Variants in RRAS2 observed in about 807,000 individuals in gnomAD.
RRAS2 encodes the protein RAS related 2.
Under a neutral mutation model 27.6 loss-of-function variants are expected in RRAS2, and 7 were observed. The ratio of observed to expected loss-of-function variants is 0.25; its 90% confidence interval spans 0.14 to 0.48. The LOEUF is 0.48. RRAS2 is among the 20% of genes least tolerant of loss of function. The probability of loss-of-function intolerance (pLI) is 0.99; values close to 1 mark genes in which losing one functional copy is unlikely to be tolerated. For synonymous variants in RRAS2, 86 were observed against 90.9 expected (o/e 0.95, Z 0.31); for missense variants, 178 against 256.2 (o/e 0.69, Z 2.08).
chr11:14,318,747 C>T (rs112642134), intron 1 of RRAS2, among the ~76,000 whole-genome samples: 305 of 152,274 alleles, frequency 2.0e-3, no homozygotes, highest in African/African-American at 6.8e-3. Context: ...AAAGATAACC[C>T]AAACACGGAC....
chr11:14,304,993 C>G (rs1554947906), intron 1 of RRAS2, among the ~76,000 whole-genome samples: 1 of 152,134 alleles, frequency 6.6e-6, no homozygotes, highest in Non-Finnish European at 1.5e-5. Context: ...TTATATATGT[C>G]TATAATTTAA....
chr11:14,294,417 T>G (rs1273968235), intron 4 of RRAS2, 54 bp downstream of exon 4: 3 of 1,168,964 alleles, frequency 2.6e-6, no homozygotes, highest in Non-Finnish European at 3.7e-6. Flanking sequence ...AATCTATCAG[T>G]TCACTCACAT....
At chr11:14,363,363 TA>T (rs1208147504), upstream of RRAS2, among the ~76,000 whole-genome samples, 16 of 152,210 alleles carry the variant, frequency 1.1e-4, no homozygotes, top group Non-Finnish European at 8.8e-5. Context: ...TATTCAAACA[TA>T]AAAGGCAGCC....
intron 1 of RRAS2, among the ~76,000 whole-genome samples, chr11:14,312,636 GTCA>G (rs1554949023): frequency 6.6e-6 from 1 of 152,054 alleles, no homozygotes; most frequent in Non-Finnish European, 1.5e-5. Flanking sequence ...CCCCAGGCTG[GTCA>G]TCAACTCCTG....
intron 2 of RRAS2, among the ~76,000 whole-genome samples, chr11:14,295,473 G>C (rs1465487725): frequency 3.9e-5 from 6 of 152,186 alleles, no homozygotes; most frequent in African/African-American, 1.4e-4. Flanking sequence ...GGTAGGAAGA[G>C]TTGAGACCTG....
rs781860601 is a variant in RRAS2 at position 14,293,124 on chromosome 11, AATATATATATATATATATATAT to A, written c.408+1325_408+1346del. ...CTCCGTCTCAAAACAAAACAAAACA[AATATATATATATATATATATAT>A]ATATATATATATATATCATTTTCTC... On this transcript the variant is annotated intron_variant, in intron 4 of 5. Coordinates refer to ENST00000256196, the MANE Select transcript of RRAS2 (RefSeq NM_012250.6). 4.9e-4 allele frequency among the ~76,000 whole-genome samples: 38 copies of A among 76,800 alleles called. 1 individual carries two copies. The highest frequency in any genetic ancestry group is 1.3e-3 in the East Asian group (3 of 2,294). The allele number at this position is 76,800 out of a possible 152,430, so 50.4% of individuals were successfully genotyped here. A position where few individuals can be genotyped will look rare whatever the true frequency, so the allele number is the denominator to read the frequency against.
At chr11:14,360,790 G>A (rs1362404489), upstream of RRAS2, among the ~76,000 whole-genome samples, 2 of 151,648 alleles carry the variant, frequency 1.3e-5, no homozygotes, top group Admixed American at 1.3e-4. Flanking sequence ...GAGTGGTGGC[G>A]TGCACTTGTA....
intron 1 of RRAS2, among the ~76,000 whole-genome samples, chr11:14,315,234 C>G (rs1326381669): frequency 6.6e-6 from 1 of 152,220 alleles, no homozygotes; most frequent in African/African-American, 2.4e-5. Flanking sequence ...AACATTACCT[C>G]AGCCAGATGA....
chr11:14,281,312 C>A (rs1418443430), intron 5 of RRAS2, among the ~76,000 whole-genome samples: 1 of 152,164 alleles, frequency 6.6e-6, no homozygotes, highest in East Asian at 1.9e-4. Flanking sequence ...ACGTTTAGCA[C>A]AGAAGCTGGC....
Position 14,358,878 on chromosome 11 carries a change from C to A in RRAS2, c.-8G>T. ...CCAGCCGGCCGCGGCCATGGGGACG[C>A]TACAGAGCCCAGCCTGACTGCGCCG... is the stretch of plus-strand genomic sequence containing the variant. On this transcript the variant is annotated 5_prime_UTR_variant, in exon 1 of 6. Coordinates refer to ENST00000256196, the MANE Select transcript of RRAS2 (RefSeq NM_012250.6). This position sits in a 1 kb window ranked among gnomAD's most constrained non-coding sequence, Gnocchi z 5.1. 6.9e-7 allele frequency: 1 copy of A among 1,443,524 alleles called. No homozygotes were observed. Among genetic ancestry groups the A allele is most frequent in the East Asian group, 3.1e-5 (1 of 31,856 alleles). The allele number at this position is 1,443,524 out of a possible 1,614,324, so 89.4% of individuals were successfully genotyped here.
At chr11:14,323,937 A>G (rs546813774) in intron 1 of RRAS2, among the ~76,000 whole-genome samples, 1 of 151,794 alleles carries the variant, frequency 6.6e-6, no homozygotes, top group African/African-American at 2.4e-5. Context: ...GAAAAACACT[A>G]TAAGAGATAT....
Position 14,290,070 on chromosome 11 carries a change from G to A in RRAS2, c.408+4401C>T, listed in dbSNP as rs548342503. On this transcript the variant is annotated intron_variant, in intron 4 of 5. Transcript: ENST00000256196. ...GGAAAGAAGCTTTTACAGCATCCCCGTGGCCTGTCCAAGTTGACTTGGTAG... is the reference window on the plus strand; with the variant it reads ...GGAAAGAAGCTTTTACAGCATCCCCATGGCCTGTCCAAGTTGACTTGGTAG... Among the ~76,000 whole-genome samples the A allele has an allele frequency of 5.9e-5, 9 of 152,284 alleles. No individual in the cohort carries two copies. The South Asian group carries it at 8.3e-4, about 14-fold the overall frequency.
chr11:14,286,572 A>G (rs1849664960), intron 4 of RRAS2, among the ~76,000 whole-genome samples: 1 of 152,228 alleles, frequency 6.6e-6, no homozygotes, highest in Non-Finnish European at 1.5e-5. Context: ...TTCCTTCTAA[A>G]CGTTTTAGGT....
chr11:14,358,581 G>T lies in RRAS2; in HGVS notation c.108+182C>A. The T allele has an allele frequency of 1.0e-6, 1 of 986,116 alleles. No individual in the cohort carries two copies. Among genetic ancestry groups the T allele is most frequent in the Non-Finnish European group, 1.2e-6 (1 of 830,482 alleles). 61.1% of individuals were successfully genotyped at this position (986,116 alleles called of 1,614,324 possible). Reference sequence around the variant, plus strand: ...GCGACGCCGCGCCCGGGAGGAGGCAGGAGCGCGACGCTGCGGCCGCAGGGC... The same window carrying T: ...GCGACGCCGCGCCCGGGAGGAGGCATGAGCGCGACGCTGCGGCCGCAGGGC... On this transcript the variant is annotated intron_variant, in intron 1 of 5. Transcript: ENST00000256196. This position sits in a 1 kb window ranked among gnomAD's most constrained non-coding sequence, Gnocchi z 5.1.
chr11:14,348,673 T>G (rs1227825672), intron 1 of RRAS2, among the ~76,000 whole-genome samples: 1 of 152,228 alleles, frequency 6.6e-6, no homozygotes, highest in South Asian at 2.1e-4. Context: ...CTCTTTCAAA[T>G]ATCCCCATCA....
chr11:14,322,698 T>G (rs1349959251), intron 1 of RRAS2, among the ~76,000 whole-genome samples: 2 of 152,208 alleles, frequency 1.3e-5, no homozygotes, highest in Non-Finnish European at 2.9e-5. Flanking sequence ...GTAGTCACAG[T>G]CTAATTTATC....
intron 4 of RRAS2, among the ~76,000 whole-genome samples, chr11:14,286,440 C>T (rs1849662528): frequency 6.6e-6 from 1 of 152,092 alleles, no homozygotes; most frequent in African/African-American, 2.4e-5. Context: ...CTAATTTTGC[C>T]CCACTACTGG....
Position 14,281,689 on chromosome 11 carries a change from C to T in RRAS2, c.440G>A (p.Arg147Gln), listed in dbSNP as rs377321245. 1.8e-5 allele frequency: 29 copies of T among 1,596,336 alleles called. No homozygotes were observed. Among genetic ancestry groups the T allele is most frequent in the African/African-American group, 9.5e-5 (7 of 73,796 alleles). Reference protein sequence around the residue: ...VTQEEGQQLARQLKVTYMEAS... With the variant: ...VTQEEGQQLAQQLKVTYMEAS... ...CTCCATGTATGTTACCTTAAGCTGC[C>T]GTGCTAACTGTTGTCCTTCTTCCTG... The change falls in exon 5 of 6, where the codon CGG (arginine) becomes CAG (glutamine). Residue 147 changes from arginine to glutamine, a missense_variant. Coordinates refer to ENST00000256196, the MANE Select transcript of RRAS2 (RefSeq NM_012250.6).
intron 1 of RRAS2, chr11:14,354,297 A>AT (rs1849026496): frequency 1.3e-5 from 2 of 152,236 alleles, no homozygotes; most frequent in Admixed American, 6.5e-5. Context: ...AAATTGTTGA[A>AT]TAAAAAGTTA....
Sources: allele counts gnomAD v4.1 joint callset (sites outside exome capture counted in the v4.1 genomes callset), GRCh38; gene constraint gnomAD v4.1.1; non-coding constraint Gnocchi (gnomAD v3.1); transcripts MANE v1.5; gene names NCBI Gene and HGNC (gene_info 2026-07-23, HGNC 2026-07-21).